The following PLCL1 variants were observed in gnomAD, a reference collection of about 807,000 sequenced individuals.
PLCL1 encodes inactive phospholipase C-like protein 1.
Under a neutral mutation model 84.4 loss-of-function variants are expected in PLCL1, and 41 were observed. The ratio of observed to expected loss-of-function variants is 0.49; its 90% CI spans 0.38 to 0.63. PLCL1 has a LOEUF of 0.63. PLCL1 is among the 30% of genes least tolerant of loss of function. The probability of loss-of-function intolerance (pLI) is 0.00; values close to 1 mark genes in which losing one functional copy is unlikely to be tolerated. For missense variants in PLCL1, 1,206 were observed against 1,367.8 expected (o/e 0.88, Z 1.87); for synonymous variants, 490 against 488.3 (o/e 1.00, Z -0.05).
At position 197,845,406 on chromosome 2, in the gene PLCL1, G is replaced by A. The variant is rs150107828; in HGVS notation, c.240+40067G>A. The stretch of plus-strand genomic sequence containing the variant: ...GTTAGACTTTGGAAGTAGGAGAAAC[G>A]AGATAATTGGCATAGAAATGTTGGC... On this transcript the variant is annotated intron_variant, in intron 1 of 5. Coordinates refer to ENST00000428675, the MANE Select transcript of PLCL1 (RefSeq NM_006226.4). Among the ~76,000 whole-genome samples, 412 of 152,186 alleles carry A rather than the reference G, an allele frequency of 2.7e-3. 1 individual carries two copies. Among genetic ancestry groups the A allele is most frequent in the South Asian group, 4.8e-3 (23 of 4,824 alleles).
intron 1 of PLCL1, among the ~76,000 whole-genome samples, chr2:197,933,822 CTA>C (rs1437743885): frequency 6.6e-6 from 1 of 151,590 alleles, no homozygotes. Context: ...TAATAATTGT[CTA>C]TATATATATA....
chr2:197,907,427 C>T lies in PLCL1; in HGVS notation c.240+102088C>T, dbSNP rs371942352. The stretch of plus-strand genomic sequence containing the variant: ...CTAACTTTTGTATTTTTAGTGGAGA[C>T]GGGGTTTCACATATTGGCCAGGCTG... On this transcript the variant is annotated intron_variant, in intron 1 of 5. Transcript: ENST00000428675. 3.9e-4 allele frequency among the ~76,000 whole-genome samples: 59 copies of T among 151,988 alleles called. No individual in the cohort carries two copies. In the East Asian group the frequency reaches 5.4e-3, roughly 14 times the overall value.
chr2:198,118,005 T>G (rs1693785357), intron 5 of PLCL1, among the ~76,000 whole-genome samples: 1 of 151,924 alleles, frequency 6.6e-6, no homozygotes, highest in African/African-American at 2.4e-5. Flanking sequence ...GGCTCGTTTC[T>G]TATATTAAAC....
intron 1 of PLCL1, among the ~76,000 whole-genome samples, chr2:197,951,099 G>A (rs1199094058): frequency 1.3e-5 from 2 of 152,082 alleles, no homozygotes; most frequent in Admixed American, 6.6e-5. Flanking sequence ...GGATACAATA[G>A]GTTACATGAC....
chr2:198,096,065 C>A (rs987641771), intron 3 of PLCL1, among the ~76,000 whole-genome samples: 1 of 152,098 alleles, frequency 6.6e-6, no homozygotes, highest in African/African-American at 2.4e-5. Context: ...ATTTTGGATG[C>A]CTACTATGTG....
intron 1 of PLCL1, among the ~76,000 whole-genome samples, chr2:198,021,535 GAC>G (rs1691132992): frequency 6.6e-6 from 1 of 152,022 alleles, no homozygotes; most frequent in African/African-American, 2.4e-5. Context: ...GAATCAAATA[GAC>G]ACAATAAAAA....
chr2:198,064,889 T>C (rs1574285000), intron 1 of PLCL1, among the ~76,000 whole-genome samples: 1 of 152,328 alleles, frequency 6.6e-6, no homozygotes, highest in East Asian at 1.9e-4. Context: ...ATAATTTCAG[T>C]GGACCGTTTG....
At chr2:197,843,601 A>C (rs1361555687) in intron 1 of PLCL1, among the ~76,000 whole-genome samples, 1 of 152,180 alleles carries the variant, frequency 6.6e-6, no homozygotes, top group Non-Finnish European at 1.5e-5. Flanking sequence ...CATGAACACA[A>C]ATGGAGTATC....
chr2:197,862,241 C>T (rs895213790), intron 1 of PLCL1, among the ~76,000 whole-genome samples: 2 of 152,100 alleles, frequency 1.3e-5, no homozygotes, highest in African/African-American at 4.8e-5. Context: ...CATCTAAAAA[C>T]AATCATTTGG....
chr2:198,017,225 A>G (rs1220848886), intron 1 of PLCL1, among the ~76,000 whole-genome samples: 6 of 152,222 alleles, frequency 3.9e-5, no homozygotes, highest in Admixed American at 3.9e-4. Context: ...ACAAAGAACA[A>G]TAGACATGGG....
intron 1 of PLCL1, among the ~76,000 whole-genome samples, chr2:198,026,797 A>AATTAAATTT (rs1437001751): frequency 1.3e-5 from 2 of 152,184 alleles, no homozygotes; most frequent in Non-Finnish European, 2.9e-5. Flanking sequence ...GGGAAATGCA[A>AATTAAATTT]ATTAAATTTA....
chr2:198,086,246 T>A lies in PLCL1; in HGVS notation c.2715+14T>A, dbSNP rs772882498. ...GAAAATATGCAGGTAGGAGAAACAC[T>A]CACACTCTCCTTCCCTATCCCTGCT... On this transcript the variant is annotated intron_variant, in intron 2 of 5. Coordinates refer to ENST00000428675, the MANE Select transcript of PLCL1 (RefSeq NM_006226.4). 1.4e-6 allele frequency: 2 copies of A among 1,455,982 alleles called. No homozygotes were observed. The highest frequency in any genetic ancestry group is 3.4e-5 in the Admixed American group (2 of 58,590). The allele number at this position is 1,455,982 out of a possible 1,614,324, so 90.2% of individuals were successfully genotyped here.
At chr2:197,874,968 T>G (rs1387603220) in intron 1 of PLCL1, among the ~76,000 whole-genome samples, 3 of 152,110 alleles carry the variant, frequency 2.0e-5, no homozygotes, top group Non-Finnish European at 4.4e-5. Context: ...TAATACTGAA[T>G]GAAAGAAACC....
chr2:197,938,181 T>C (rs1689086051), intron 1 of PLCL1, among the ~76,000 whole-genome samples: 3 of 152,200 alleles, frequency 2.0e-5, no homozygotes, highest in Admixed American at 6.5e-5. Context: ...TTGGGAGCCA[T>C]CTTTGACATG....
intron 1 of PLCL1, among the ~76,000 whole-genome samples, chr2:198,070,177 C>G (rs1692426641): frequency 1.3e-5 from 2 of 152,008 alleles, no homozygotes; most frequent in African/African-American, 2.4e-5. Context: ...GACCTTGTAA[C>G]CTATATGTAA....
At chr2:197,953,739 A>G (rs930841530) in intron 1 of PLCL1, among the ~76,000 whole-genome samples, 1 of 151,974 alleles carries the variant, frequency 6.6e-6, no homozygotes, top group Non-Finnish European at 1.5e-5. Flanking sequence ...AAATATATTG[A>G]TATTCTCCTA....
At chr2:197,994,394 C>T (rs1382695360) in intron 1 of PLCL1, among the ~76,000 whole-genome samples, 1 of 152,130 alleles carries the variant, frequency 6.6e-6, no homozygotes, top group Non-Finnish European at 1.5e-5. Context: ...ACATCATATG[C>T]AGTCCATATC....
intron 1 of PLCL1, among the ~76,000 whole-genome samples, chr2:197,964,497 G>T (rs1169266738): frequency 6.6e-6 from 1 of 151,908 alleles, no homozygotes; most frequent in African/African-American, 2.4e-5. Context: ...ATAGTTTTTT[G>T]ATGGAGTCTT....
chr2:197,975,989 T>G (rs1239241942), intron 1 of PLCL1, among the ~76,000 whole-genome samples: 1 of 152,196 alleles, frequency 6.6e-6, no homozygotes, highest in African/African-American at 2.4e-5. Context: ...ACTCTAGGAT[T>G]CTATTACTTA....
Sources: allele counts gnomAD v4.1 joint callset (sites outside exome capture counted in the v4.1 genomes callset), GRCh38; gene constraint gnomAD v4.1.1; transcripts MANE v1.5; gene names NCBI Gene and HGNC (gene_info 2026-07-23, HGNC 2026-07-21).